Variants in UBE3A observed in about 807,000 individuals in gnomAD.
UBE3A encodes ubiquitin protein ligase E3A, also known as ubiquitin-protein ligase E3A.
UBE3A carries 6 observed loss-of-function variants against 83.4 expected under a neutral mutation model. The observed-to-expected ratio is 0.07, with a 90% CI of 0.04 to 0.14. UBE3A has a LOEUF of 0.14. Ranked by LOEUF, UBE3A falls within the 10% of genes least tolerant of loss-of-function variation. The pLI is 1.00. For missense variants in UBE3A, 456 were observed against 1,036.1 expected (o/e 0.44, Z 7.69); for synonymous variants, 337 against 355.4 (o/e 0.95, Z 0.58).
chr15:25,361,642 A>G (rs1357781188), intron 6 of UBE3A, among the ~76,000 whole-genome samples: 2 of 151,934 alleles, frequency 1.3e-5, no homozygotes, highest in Non-Finnish European at 2.9e-5. Flanking sequence ...GTATGACTGT[A>G]TCCAGTACAT....
chr15:25,364,080 G>A (rs1195682556), intron 6 of UBE3A, among the ~76,000 whole-genome samples: 1 of 80,198 alleles, frequency 1.2e-5, no homozygotes, highest in African/African-American at 4.8e-5. Context: ...ATAAAAAATA[G>A]TGGGGGGTGG....
rs3840009 is a variant in UBE3A, at chr15:25,336,555, G to GTATCTATC, written c.*2574_*2581dup. 2.6e-5 allele frequency: 4 copies of GTATCTATC among 151,708 alleles called. No individual in the cohort carries two copies. Among genetic ancestry groups the GTATCTATC allele is most frequent in the East Asian group, 2.0e-4 (1 of 5,108 alleles). 9.4% of individuals were successfully genotyped at this position (151,708 alleles called of 1,614,324 possible). On this transcript the variant is annotated 3_prime_UTR_variant, in exon 13 of 13. Coordinates refer to ENST00000648336, the MANE Select transcript of UBE3A (RefSeq NM_130839.5). Reference sequence around the variant, plus strand: ...CCTTTTTCAAGTTTCTTTTTGATATGTATCTATCTATCTATCATCTCCCTA... The same window carrying GTATCTATC: ...CCTTTTTCAAGTTTCTTTTTGATATGTATCTATCTATCTATCTATCTATCATCTCCCTA...
intron 1 of UBE3A, among the ~76,000 whole-genome samples, chr15:25,433,083 C>T (rs373042170): frequency 1.3e-5 from 2 of 152,224 alleles, no homozygotes; most frequent in Admixed American, 6.5e-5. Context: ...GATTAATACA[C>T]TGAATAATGT....
intron 5 of UBE3A, 200 bp downstream of exon 5, chr15:25,375,265 A>C: frequency 1.6e-6 from 1 of 616,736 alleles, no homozygotes. Flanking sequence ...AACTTTTGGC[A>C]TATGATCTGC....
chr15:25,367,287 TA>T (rs1443487444), intron 6 of UBE3A, among the ~76,000 whole-genome samples: 4 of 131,244 alleles, frequency 3.0e-5, no homozygotes, highest in Admixed American at 8.1e-5. Flanking sequence ...ATATTTAAAT[TA>T]AATTAATTTA....
At chr15:25,367,188 T>C (rs1427504860) in intron 6 of UBE3A, among the ~76,000 whole-genome samples, 2 of 87,968 alleles carry the variant, frequency 2.3e-5, no homozygotes, top group South Asian at 3.0e-4. Context: ...TGTAAATATG[T>C]AAATATTTAC....
At chr15:25,394,634 G>A (rs946558900) in intron 4 of UBE3A, among the ~76,000 whole-genome samples, 3 of 152,120 alleles carry the variant, frequency 2.0e-5, no homozygotes, top group African/African-American at 7.2e-5. Context: ...AATGCATGTG[G>A]ATTATGGAGC....
At chr15:25,399,417 C>T (rs2086528641) in intron 4 of UBE3A, among the ~76,000 whole-genome samples, 1 of 152,110 alleles carries the variant, frequency 6.6e-6, no homozygotes, top group Non-Finnish European at 1.5e-5. Context: ...CATTCTCATG[C>T]ATGTAGATAT....
chr15:25,336,875 T>TATAAC lies in UBE3A; in HGVS notation c.*2257_*2261dup, dbSNP rs1489290587. 2 of 152,166 alleles carry TATAAC rather than the reference T, an allele frequency of 1.3e-5. No homozygotes were observed. Among genetic ancestry groups the TATAAC allele is most frequent in the African/African-American group, 4.8e-5 (2 of 41,438 alleles). 9.4% of individuals were successfully genotyped at this position (152,166 alleles called of 1,614,324 possible). On this transcript the variant is annotated 3_prime_UTR_variant, in exon 13 of 13. Transcript: ENST00000648336. The stretch of plus-strand genomic sequence containing the variant: ...AGTACCTGGGCAAAAAAAGTACTTT[T>TATAAC]ATAACATAACATTTGGGGTAGAGGA...
At chr15:25,415,513 G>C (rs1169403197) in intron 1 of UBE3A, among the ~76,000 whole-genome samples, 2 of 152,012 alleles carry the variant, frequency 1.3e-5, no homozygotes, top group African/African-American at 4.8e-5. Context: ...ACTCGGAAAT[G>C]GTCCTCTATC....
rs560283080 is a variant in UBE3A at position 25,410,375 on chromosome 15, C to G, written c.-100-1168G>C. ...AGGCCTCTTTACTGACACTGTAGTT[C>G]TGGCAAAGATACCATACATCTGAAA... On this transcript the variant is annotated intron_variant, in intron 2 of 12. Coordinates refer to ENST00000648336, the MANE Select transcript of UBE3A (RefSeq NM_130839.5). Among the ~76,000 whole-genome samples, 11 of 152,268 alleles carry G rather than the reference C, an allele frequency of 7.2e-5. No individual in the cohort carries two copies. In the East Asian group the frequency reaches 2.1e-3, roughly 29 times the overall value.
intron 2 of UBE3A, among the ~76,000 whole-genome samples, chr15:25,409,785 C>G (rs754136131): frequency 3.0e-4 from 46 of 152,164 alleles, no homozygotes; most frequent in Non-Finnish European, 5.7e-4. Context: ...ATAGAGCAAT[C>G]AGTCACCAAG....
intron 1 of UBE3A, among the ~76,000 whole-genome samples, chr15:25,436,017 T>C (rs1392278868): frequency 6.6e-6 from 1 of 152,166 alleles, no homozygotes; most frequent in East Asian, 1.9e-4. Context: ...CACCAACCCA[T>C]TTTACAGATG....
intron 6 of UBE3A, among the ~76,000 whole-genome samples, chr15:25,361,880 A>G (rs900880443): frequency 1.3e-5 from 2 of 150,240 alleles, no homozygotes; most frequent in Non-Finnish European, 2.9e-5. Flanking sequence ...GTAACACAGC[A>G]CTATAGTAGT....
intron 1 of UBE3A, among the ~76,000 whole-genome samples, chr15:25,431,936 TAAC>T (rs1413939279): frequency 2.0e-5 from 3 of 152,162 alleles, no homozygotes; most frequent in African/African-American, 2.4e-5. Context: ...TTAAGACAAT[TAAC>T]AAGCTGGAAA....
At chr15:25,432,125 AATC>A (rs1339188766) in intron 1 of UBE3A, among the ~76,000 whole-genome samples, 1 of 152,232 alleles carries the variant, frequency 6.6e-6, no homozygotes, top group African/African-American at 2.4e-5. Flanking sequence ...GTGCCAAAGG[AATC>A]ATCTGAGAAG....
intron 6 of UBE3A, among the ~76,000 whole-genome samples, chr15:25,361,966 A>G (rs1241784783): frequency 1.3e-5 from 2 of 152,218 alleles, no homozygotes; most frequent in African/African-American, 4.8e-5. Flanking sequence ...GCATCAGGTC[A>G]GGTTGCCCGA....
intron 4 of UBE3A, among the ~76,000 whole-genome samples, chr15:25,397,722 T>C (rs903661485): frequency 5.3e-5 from 8 of 152,306 alleles, no homozygotes; most frequent in African/African-American, 1.9e-4. Flanking sequence ...ACTCATGTCA[T>C]CTAACCGAAT....
chr15:25,429,611 C>T (rs1294805173), intron 1 of UBE3A, among the ~76,000 whole-genome samples: 3 of 151,888 alleles, frequency 2.0e-5, no homozygotes, highest in Non-Finnish European at 4.4e-5. Context: ...CACTTTGGGA[C>T]GCCAAGGCAG....
Sources: gnomAD v4.1 joint callset for allele counts (sites outside exome capture counted in the v4.1 genomes callset) on GRCh38, gnomAD v4.1.1 for gene constraint, MANE v1.5 for transcripts, NCBI Gene and HGNC (gene_info 2026-07-23, HGNC 2026-07-21) for gene names.